Variants in NBPF9 observed in about 807,000 individuals in gnomAD.
NBPF9 encodes the protein NBPF member 9.
In NBPF9, 91 loss-of-function variants were observed where a neutral mutation model predicts 97.8. That is an observed-to-expected ratio of 0.93 (90% confidence interval 0.79 to 1.11). The LOEUF (loss-of-function observed/expected upper bound fraction) is 1.11. NBPF9 is among the 50% of genes least tolerant of loss of function. The pLI is 0.00. For synonymous variants in NBPF9, 334 were observed against 359.5 expected (o/e 0.93, Z 0.80); for missense variants, 992 against 939.5 (o/e 1.06, Z -0.73).
intron 5 of NBPF9, among the ~76,000 whole-genome samples, chr1:149,088,739 C>T (rs2081210037): frequency 6.6e-6 from 1 of 151,928 alleles, no homozygotes; most frequent in Non-Finnish European, 1.5e-5. Context: ...AAAAAAGAGG[C>T]CGGGCATGGT....
chr1:149,072,897 T>C, exon 14 of NBPF9: 1 of 1,607,142 alleles, frequency 6.2e-7, no homozygotes, highest in Non-Finnish European at 8.5e-7. Context: ...CTGGGTCAGC[T>C]CTCGTTCCTG....
At chr1:149,075,227 T>A (rs1415864183) in intron 12 of NBPF9, among the ~76,000 whole-genome samples, 2 of 151,724 alleles carry the variant, frequency 1.3e-5, no homozygotes, top group East Asian at 1.9e-4. Context: ...TCCCTCAGAG[T>A]CACTAGAACA....
chr1:149,069,919 A>G (rs2079270840), intron 16 of NBPF9, among the ~76,000 whole-genome samples: 1 of 127,104 alleles, frequency 7.9e-6, no homozygotes, highest in Admixed American at 8.3e-5. Flanking sequence ...CCCCAAAAAA[A>G]TCTCCAAAAA....
At chr1:149,080,901 C>G (rs2080373569) in intron 7 of NBPF9, among the ~76,000 whole-genome samples, 1 of 151,842 alleles carries the variant, frequency 6.6e-6, no homozygotes, top group African/African-American at 2.4e-5. Context: ...GTAGTACCCT[C>G]TGAACAGATG....
intron 10 of NBPF9, 65 bp from the exon 11 acceptor site, chr1:149,077,484 T>C (rs2079988392): frequency 1.2e-6 from 2 of 1,601,334 alleles, no homozygotes; most frequent in Non-Finnish European, 1.7e-6. Flanking sequence ...CCCCAGGGAG[T>C]ACTAGCTGGT....
At chr1:149,089,150 C>T (rs4649614) in intron 5 of NBPF9, among the ~76,000 whole-genome samples, 9,215 of 152,150 alleles carry the variant, frequency 0.061, 815 homozygotes, top group East Asian at 0.48. Flanking sequence ...CAAATCCATG[C>T]GGCATCTCCC....
chr1:149,081,406 C>T (rs1336303087), intron 7 of NBPF9, among the ~76,000 whole-genome samples: 3 of 149,776 alleles, frequency 2.0e-5, no homozygotes, highest in African/African-American at 4.9e-5. Flanking sequence ...GAGTGAGCCA[C>T]GTTGCACGGC....
At chr1:149,079,833 A>C (rs1413656665) in intron 8 of NBPF9, among the ~76,000 whole-genome samples, 1 of 152,232 alleles carries the variant, frequency 6.6e-6, no homozygotes, top group African/African-American at 2.4e-5. Flanking sequence ...ATCAACAATT[A>C]CTTGTTTGAA....
Position 149,072,999 on chromosome 1 carries a change from C to T in NBPF9, c.1092-67G>A, listed in dbSNP as rs1337330513. 6 of 1,554,238 alleles carry T rather than the reference C, an allele frequency of 3.9e-6. 1 individual carries two copies. The highest frequency in any genetic ancestry group is 5.3e-6 in the Non-Finnish European group (6 of 1,127,518). On this transcript the variant is annotated intron_variant, in intron 13 of 29. Transcript: ENST00000584027. ...TGAGTGATCCGCTCAAATATTGCAA[C>T]AGAGATTTCTGAAACAGTGTCCTCA...
At chr1:149,052,543 G>GAATT (rs1361358423), downstream of NBPF9, among the ~76,000 whole-genome samples, 5 of 151,628 alleles carry the variant, frequency 3.3e-5, no homozygotes, top group African/African-American at 1.2e-4. Flanking sequence ...GGCCAGGAGA[G>GAATT]AATTAAGAGG....
chr1:149,085,146 G>A (rs1427685777), intron 5 of NBPF9, among the ~76,000 whole-genome samples: 1 of 151,968 alleles, frequency 6.6e-6, no homozygotes, highest in Non-Finnish European at 1.5e-5. Flanking sequence ...CACATGGGCT[G>A]GGGGCCAGGG....
intron 7 of NBPF9, among the ~76,000 whole-genome samples, chr1:149,081,489 C>G (rs1209742065): frequency 2.0e-5 from 3 of 151,088 alleles, no homozygotes; most frequent in Non-Finnish European, 4.4e-5. Context: ...CCTCTTGAAG[C>G]CCCTCAGAGC....
At chr1:149,069,790 A>T (rs2079262541) in intron 16 of NBPF9, 145 bp from the exon 17 acceptor site, 1 of 596,408 alleles carries the variant, frequency 1.7e-6, no homozygotes. Context: ...GGTGTCCTAG[A>T]TTAACTTTGG....
rs2078524323 is a variant in NBPF9 at position 149,060,474 on chromosome 1, A to G, written c.2476+49T>C. 2.7e-5 allele frequency: 8 copies of G among 297,684 alleles called. 1 individual carries two copies. Among genetic ancestry groups the G allele is most frequent in the Non-Finnish European group, 4.1e-5 (7 of 169,240 alleles). 18.4% of individuals were successfully genotyped at this position (297,684 alleles called of 1,614,324 possible). A position where few individuals can be genotyped will look rare whatever the true frequency, so the allele number is the denominator to read the frequency against. ...CACTTGGAGCAGGAATATGATCTTT[A>G]TATGGAAGACTCAGTGGATCCTTAT... is the stretch of plus-strand genomic sequence containing the variant. On this transcript the variant is annotated intron_variant, in intron 24 of 29. Coordinates refer to ENST00000584027, the Ensembl canonical transcript of NBPF9.
At chr1:149,075,533 T>G (rs1553654067) in intron 12 of NBPF9, 122 bp downstream of exon 12, 1 of 1,259,010 alleles carries the variant, frequency 7.9e-7, no homozygotes, top group Non-Finnish European at 1.2e-6. Context: ...AAATACCCAT[T>G]TCTGTTTTCC....
chr1:149,062,203 C>A (rs782155783), exon 22 of NBPF9: 14 of 1,050,648 alleles, frequency 1.3e-5, no homozygotes, highest in East Asian at 4.8e-5. Context: ...AGTCGAATAC[C>A]ATCTACCCAG....
Position 149,060,253 on chromosome 1 carries a change from T to G in NBPF9, c.2476+270A>C, listed in dbSNP as rs1280828183. The G allele has an allele frequency of 7.6e-6, 2 of 262,284 alleles. 1 individual carries two copies. The highest frequency in any genetic ancestry group is 1.4e-5 in the Non-Finnish European group (2 of 138,030). 16.2% of individuals were successfully genotyped at this position (262,284 alleles called of 1,614,324 possible). On this transcript the variant is annotated intron_variant, in intron 24 of 29. Transcript: ENST00000584027. Reference sequence around the variant, plus strand: ...TGAGTCAAAATCATAGTTCTCTGAATTTGTCACATCTGCCCAGGTCCAATG... The same window carrying G: ...TGAGTCAAAATCATAGTTCTCTGAAGTTGTCACATCTGCCCAGGTCCAATG...
At chr1:149,098,934 G>A (rs2081965978) in intron 3 of NBPF9, among the ~76,000 whole-genome samples, 1 of 135,176 alleles carries the variant, frequency 7.4e-6, no homozygotes, top group Non-Finnish European at 1.6e-5. Context: ...TGAAAAATTG[G>A]CCCAGCATGG....
rs1387621602 is a variant in NBPF9, at chr1:149,070,401, C to G, written c.1585+533G>C. On this transcript the variant is annotated intron_variant, in intron 16 of 29. Coordinates refer to ENST00000584027, the Ensembl canonical transcript of NBPF9. ...GCCATTGCATTGACAGGGTGGAGAACCAGGGTCCAGCCTTGCTTTATGGAA... is the reference window on the plus strand; with the variant it reads ...GCCATTGCATTGACAGGGTGGAGAAGCAGGGTCCAGCCTTGCTTTATGGAA... Among the ~76,000 whole-genome samples, 3 of 149,752 alleles carry G rather than the reference C, an allele frequency of 2.0e-5. No individual in the cohort carries two copies. The South Asian group carries it at 6.5e-4, about 32-fold the overall frequency.
Sources: gnomAD v4.1 joint callset for allele counts (sites outside exome capture counted in the v4.1 genomes callset) on GRCh38, gnomAD v4.1.1 for gene constraint, MANE v1.5 for transcripts, NCBI Gene and HGNC (gene_info 2026-07-23, HGNC 2026-07-21) for gene names.